Variants in STAB2 observed in about 807,000 individuals in gnomAD.
The protein encoded by STAB2 is stabilin 2.
In STAB2, 288 loss-of-function variants were observed where a neutral mutation model predicts 338.1. The ratio of observed to expected loss-of-function variants is 0.85; its 90% CI spans 0.77 to 0.94. STAB2 has a LOEUF of 0.94. Among genes scored for constraint, STAB2 ranks in the 40% least tolerant of loss-of-function variants. The pLI is 0.00. For synonymous variants in STAB2, 1,202 were observed against 1,193.3 expected (o/e 1.01, Z -0.15); for missense variants, 3,141 against 3,210.1 (o/e 0.98, Z 0.52).
chr12:103,669,531 T>G lies in STAB2; in HGVS notation c.2173-10T>G. On this transcript the variant is annotated splice_polypyrimidine_tract_variant and intron_variant, in intron 20 of 68. Coordinates refer to ENST00000388887, the MANE Select transcript of STAB2 (RefSeq NM_017564.10). ...GGGGTTCAAAGGGGAACACGCATTT[T>G]GTTTTTCAGATTCCAAAGTGCTGCA... 1 of 1,613,780 alleles carries G rather than the reference T, an allele frequency of 6.2e-7. No individual in the cohort carries two copies. The highest frequency in any genetic ancestry group is 1.3e-5 in the African/African-American group (1 of 75,054).
intron 33 of STAB2, among the ~76,000 whole-genome samples, chr12:103,698,878 C>A (rs964352600): frequency 6.6e-6 from 1 of 152,226 alleles, no homozygotes; most frequent in Non-Finnish European, 1.5e-5. Flanking sequence ...CTAATGAGTT[C>A]TTGACTGTGC....
intron 43 of STAB2, among the ~76,000 whole-genome samples, chr12:103,717,079 G>A (rs575052145): frequency 3.3e-5 from 5 of 152,210 alleles, no homozygotes; most frequent in African/African-American, 9.6e-5. Context: ...GCCCTTGTGT[G>A]AGTTAGAAAA....
chr12:103,712,564 G>C (rs1279160106), intron 41 of STAB2, 121 bp downstream of exon 41: 1 of 743,232 alleles, frequency 1.3e-6, no homozygotes, highest in African/African-American at 1.7e-5. Context: ...ATGGTGAATT[G>C]TATGTAATGG....
At position 103,711,467 on chromosome 12, in the gene STAB2, T is replaced by A. The variant is rs1420203178; in HGVS notation, c.4289-4T>A. On this transcript the variant is annotated splice_region_variant and splice_polypyrimidine_tract_variant and intron_variant, in intron 39 of 68. Coordinates refer to ENST00000388887, the MANE Select transcript of STAB2 (RefSeq NM_017564.10). The stretch of plus-strand genomic sequence containing the variant: ...CTAAGACAGCAACTGGTTCTCTTTT[T>A]CAGCAACCACAGAAGACAACTGCAA... 2.5e-6 allele frequency: 4 copies of A among 1,614,090 alleles called. No homozygotes were observed. The highest frequency in any genetic ancestry group is 3.4e-6 in the Non-Finnish European group (4 of 1,180,018).
At chr12:103,724,411 G>A (rs898256215) in intron 44 of STAB2, among the ~76,000 whole-genome samples, 4 of 152,164 alleles carry the variant, frequency 2.6e-5, no homozygotes, top group African/African-American at 9.7e-5. Flanking sequence ...TGAGGAAGGG[G>A]CCTATGGGGT....
At chr12:103,720,397 A>G (rs1309535798) in intron 44 of STAB2, among the ~76,000 whole-genome samples, 1 of 152,170 alleles carries the variant, frequency 6.6e-6, no homozygotes. Context: ...TATCAACAGG[A>G]AGACCCAAAT....
At position 103,677,488 on chromosome 12, in the gene STAB2, C is replaced by A. The variant is rs767008710; in HGVS notation, c.2682C>A (p.Thr894=). ...ECIKTGTGTH[T]CVCQQGWTGN... ...TCAAAACTGGCACGGGCACCCACACCTGCGTGTGTCAGCAGGGTTGGACAG... is the reference window on the plus strand; with the variant it reads ...TCAAAACTGGCACGGGCACCCACACATGCGTGTGTCAGCAGGGTTGGACAG... Residue 894 remains threonine (T), a synonymous_variant, in exon 25 of 69, where the codon ACC becomes ACA. Transcript: ENST00000388887. The A allele has an allele frequency of 6.2e-6, 10 of 1,613,826 alleles. No individual in the cohort carries two copies. The South Asian group carries it at 1.1e-4, about 18-fold the overall frequency.
rs1442984852 is a variant in STAB2, at chr12:103,622,026, CT to C, written c.418-15del. ...TCACCTTGGGTCTAATGTCAACCAC[CT>C]GGGGTGTTTTGCAGGAAGGGTTTGG... On this transcript the variant is annotated splice_polypyrimidine_tract_variant and intron_variant, in intron 4 of 68. Coordinates refer to ENST00000388887, the MANE Select transcript of STAB2 (RefSeq NM_017564.10). 4 of 1,613,938 alleles carry C rather than the reference CT, an allele frequency of 2.5e-6. No homozygotes were observed. The African/African-American group carries it at 5.3e-5, about 22-fold the overall frequency.
At chr12:103,675,663 C>T (rs1379953487) in intron 23 of STAB2, among the ~76,000 whole-genome samples, 1 of 152,230 alleles carries the variant, frequency 6.6e-6, no homozygotes, top group Non-Finnish European at 1.5e-5. Flanking sequence ...GGCCCATTTT[C>T]CTCATGAGAA....
At chr12:103,676,976 C>T (rs1283332717) in intron 24 of STAB2, among the ~76,000 whole-genome samples, 4 of 152,170 alleles carry the variant, frequency 2.6e-5, no homozygotes, top group African/African-American at 4.8e-5. Context: ...GCCTCAGCTC[C>T]GTATCTTGTA....
Position 103,717,820 on chromosome 12 carries a change from A to C in STAB2, c.4662A>C (p.Thr1554=), listed in dbSNP as rs780557055. 1 of 1,613,962 alleles carries C rather than the reference A, an allele frequency of 6.2e-7. No homozygotes were observed. The highest frequency in any genetic ancestry group is 8.5e-7 in the Non-Finnish European group (1 of 1,179,982). Residue 1554 remains threonine (T), a synonymous_variant, in exon 44 of 69, where the codon ACA becomes ACC. Coordinates refer to ENST00000388887, the MANE Select transcript of STAB2 (RefSeq NM_017564.10). The part of the protein sequence containing the change: ...PAYTGDGKVC[T]LINVCLTKNG... The stretch of plus-strand genomic sequence containing the variant: ...ACACTGGAGATGGAAAGGTCTGCAC[A>C]CTCATCAATGTCTGCTTAACTGTGA...
chr12:103,633,922 T>C (rs1398831330), intron 6 of STAB2, among the ~76,000 whole-genome samples: 1 of 152,180 alleles, frequency 6.6e-6, no homozygotes, highest in Non-Finnish European at 1.5e-5. Flanking sequence ...TTTGAAGGTA[T>C]GCTTATAGTA....
At chr12:103,722,022 C>T (rs1029629299) in intron 44 of STAB2, among the ~76,000 whole-genome samples, 2 of 152,274 alleles carry the variant, frequency 1.3e-5, no homozygotes, top group South Asian at 2.1e-4. Context: ...GTTTGAGTTG[C>T]TTGGTAGCCA....
chr12:103,618,299 A>C (rs1957242402), intron 3 of STAB2, among the ~76,000 whole-genome samples: 1 of 152,116 alleles, frequency 6.6e-6, no homozygotes, highest in South Asian at 2.1e-4. Context: ...CACCCCTTCC[A>C]CCAAGTGAAG....
chr12:103,668,211 A>C (rs1206528803), intron 19 of STAB2, among the ~76,000 whole-genome samples: 1 of 152,206 alleles, frequency 6.6e-6, no homozygotes, highest in Non-Finnish European at 1.5e-5. Context: ...CTAAGAGAAA[A>C]ACTCAGACTA....
intron 25 of STAB2, 82 bp from the exon 26 acceptor site, chr12:103,683,123 C>T (rs1475292787): frequency 1.5e-5 from 18 of 1,235,632 alleles, no homozygotes; most frequent in Admixed American, 5.7e-5. Context: ...TTCCATAGTA[C>T]GTTTCTCAGT....
chr12:103,669,311 CT>C (rs1471546068), intron 20 of STAB2: 1 of 479,560 alleles, frequency 2.1e-6, no homozygotes, highest in African/African-American at 1.9e-5. Context: ...CTTCCTCTGT[CT>C]GTTCGCACAG....
rs1448728771 is a variant in STAB2 at position 103,737,682 on chromosome 12, C to T, written c.5599C>T (p.Leu1867Phe). The change falls in exon 53 of 69, where the codon CTC (leucine) becomes TTC (phenylalanine). Residue 1867 changes from leucine (L) to phenylalanine (F), a missense_variant. Coordinates refer to ENST00000388887, the MANE Select transcript of STAB2 (RefSeq NM_017564.10). ...GQTCRIVQRELLFDLGVAYGI... is the reference protein window; with the variant it reads ...GQTCRIVQREFLFDLGVAYGI... ...AACCTGCAGAATTGTGCAGCGGGAGCTCTTGTTTGACCTGGGTGTGGCCTA... is the reference window on the plus strand; with the variant it reads ...AACCTGCAGAATTGTGCAGCGGGAGTTCTTGTTTGACCTGGGTGTGGCCTA... The T allele has an allele frequency of 6.2e-7, 1 of 1,609,112 alleles. No homozygotes were observed. Among genetic ancestry groups the T allele is most frequent in the East Asian group, 2.2e-5 (1 of 44,588 alleles).
Position 103,683,289 on chromosome 12 carries a change from T to C in STAB2, c.2890T>C (p.Cys964Arg), listed in dbSNP as rs761385543. ...ITSCLEQTGK[C>R]HPLASCQSTS... ...TTCATGCTTGGAACAAACCGGGAAA[T>C]GTCATCCATTGGTGAGTTATTTAAC... Residue 964 changes from cysteine (C) to arginine (R), a missense_variant, in exon 26 of 69, where the codon TGT (cysteine) becomes CGT (arginine). By Grantham distance (180) the Cys-to-Arg change is radical (BLOSUM62 -3). Transcript: ENST00000388887. The C allele has an allele frequency of 6.2e-7, 1 of 1,604,784 alleles. No homozygotes were observed. Among genetic ancestry groups the C allele is most frequent in the Non-Finnish European group, 8.5e-7 (1 of 1,175,532 alleles).
Sources: gnomAD v4.1 joint callset for allele counts (sites outside exome capture counted in the v4.1 genomes callset) on GRCh38, gnomAD v4.1.1 for gene constraint, MANE v1.5 for transcripts, NCBI Gene and HGNC (gene_info 2026-07-23, HGNC 2026-07-21) for gene names.